The following HIVEP3 variants were observed in gnomAD, a reference collection of about 807,000 sequenced individuals.
HIVEP3 encodes transcription factor HIVEP3.
In HIVEP3, 49 loss-of-function variants were observed where a neutral mutation model predicts 152.8. That is an observed-to-expected ratio of 0.32 (90% CI 0.26 to 0.41). The LOEUF (loss-of-function observed/expected upper bound fraction) is 0.41. Among genes scored for constraint, HIVEP3 ranks in the 10% least tolerant of loss-of-function variants. The pLI is 1.00. For synonymous variants in HIVEP3, 1,269 were observed against 1,289.0 expected, an observed-to-expected ratio of 0.98 and a Z score of 0.33; for missense variants, 2,790 against 3,103.3, an observed-to-expected ratio of 0.90 and a Z score of 2.40.
intron 1 of HIVEP3, among the ~76,000 whole-genome samples, chr1:41,845,876 G>A (rs1643429417): frequency 6.6e-6 from 1 of 152,102 alleles, no homozygotes; most frequent in African/African-American, 2.4e-5. Flanking sequence ...AGACCAGCCT[G>A]GCCAACATGG....
At chr1:41,825,751 C>CGTG (rs939670583) in intron 1 of HIVEP3, among the ~76,000 whole-genome samples, 8 of 151,968 alleles carry the variant, frequency 5.3e-5, no homozygotes, top group Admixed American at 3.3e-4. Context: ...GGACTACAGG[C>CGTG]GTGTGCCACC....
chr1:41,597,949 T>C (rs1408755049), intron 3 of HIVEP3, among the ~76,000 whole-genome samples: 2 of 152,344 alleles, frequency 1.3e-5, no homozygotes, highest in Middle Eastern at 3.4e-3. Flanking sequence ...GTAATGTACA[T>C]AGCTAGCTAT....
At chr1:41,819,365 T>C (rs1642520356) in intron 1 of HIVEP3, among the ~76,000 whole-genome samples, 1 of 152,168 alleles carries the variant, frequency 6.6e-6, no homozygotes, top group Non-Finnish European at 1.5e-5. Flanking sequence ...GAATTCTTTA[T>C]CTTTTGTTTT....
At position 41,582,294 on chromosome 1, in the gene HIVEP3, G is replaced by A. The variant is rs764710278; in HGVS notation, c.2504C>T (p.Pro835Leu). The A allele has an allele frequency of 1.2e-6, 2 of 1,614,050 alleles. No homozygotes were observed. The highest frequency in any genetic ancestry group is 1.7e-6 in the Non-Finnish European group (2 of 1,180,032). The change falls in exon 4 of 9, where the codon CCA (proline) becomes CTA (leucine). Residue 835 changes from proline to leucine, a missense_variant. By Grantham distance (98) the Pro-to-Leu change is moderately conservative (BLOSUM62 -3). Transcript: ENST00000372583. The surrounding 1 kb of genome is among the most constrained non-coding windows in gnomAD (Gnocchi z 4.7). ...LAQFPSPPPA[P>L]HGRSAHSLQP... ...CAGGGAGTGAGCAGAGCGTCCGTGTGGGGCAGGTGGGGGTGATGGGAACTG... is the reference window on the plus strand; with the variant it reads ...CAGGGAGTGAGCAGAGCGTCCGTGTAGGGCAGGTGGGGGTGATGGGAACTG...
At chr1:41,653,343 TCA>T (rs1413572231) in intron 2 of HIVEP3, among the ~76,000 whole-genome samples, 1 of 151,930 alleles carries the variant, frequency 6.6e-6, no homozygotes. Flanking sequence ...TTCACAACCC[TCA>T]CACACACATA....
intron 2 of HIVEP3, among the ~76,000 whole-genome samples, chr1:41,656,075 G>A (rs752958951): frequency 5.3e-5 from 8 of 152,120 alleles, no homozygotes; most frequent in Non-Finnish European, 1.0e-4. Context: ...TGTCATGAAC[G>A]TTTCTTTGCC....
At chr1:41,779,727 C>T (rs1240956222) in intron 1 of HIVEP3, among the ~76,000 whole-genome samples, 5 of 152,162 alleles carry the variant, frequency 3.3e-5, no homozygotes, top group African/African-American at 9.7e-5. Flanking sequence ...AACCTCCTGA[C>T]CTCAAATGAC....
intron 1 of HIVEP3, among the ~76,000 whole-genome samples, chr1:42,026,135 T>C (rs1339005096): frequency 6.6e-6 from 1 of 152,148 alleles, no homozygotes; most frequent in Non-Finnish European, 1.5e-5. Flanking sequence ...TTCCTTTTTT[T>C]CTCTTACCCT....
chr1:41,927,889 G>A (rs1038222749), intron 1 of HIVEP3, among the ~76,000 whole-genome samples: 11 of 152,004 alleles, frequency 7.2e-5, no homozygotes, highest in Admixed American at 1.3e-4. Context: ...GTGAAACCCC[G>A]TCTCTACTAA....
chr1:41,730,727 C>G (rs1383923080), intron 1 of HIVEP3, among the ~76,000 whole-genome samples: 1 of 152,218 alleles, frequency 6.6e-6, no homozygotes, highest in African/African-American at 2.4e-5. Flanking sequence ...CTCTAATGGT[C>G]CTGATTATCC....
intron 1 of HIVEP3, among the ~76,000 whole-genome samples, chr1:41,863,806 T>C (rs976064107): frequency 1.3e-5 from 2 of 152,232 alleles, no homozygotes; most frequent in Non-Finnish European, 2.9e-5. Context: ...GGATTCTCCA[T>C]CTGTCAAGCT....
At chr1:41,785,927 C>T (rs1199644772) in intron 1 of HIVEP3, among the ~76,000 whole-genome samples, 4 of 152,134 alleles carry the variant, frequency 2.6e-5, no homozygotes, top group Admixed American at 6.5e-5. Context: ...ACCCGGGAGG[C>T]AGGGAGGTTG....
intron 2 of HIVEP3, among the ~76,000 whole-genome samples, chr1:41,641,464 C>A (rs1183236486): frequency 6.6e-6 from 1 of 152,250 alleles, no homozygotes; most frequent in Non-Finnish European, 1.5e-5. Context: ...CCCATCCCCA[C>A]CTCCACCAGT....
At chr1:41,756,610 A>G (rs78216299) in intron 1 of HIVEP3, among the ~76,000 whole-genome samples, 1,882 of 152,364 alleles carry the variant, frequency 0.012, 35 homozygotes, top group African/African-American at 0.043. Flanking sequence ...TTGGTTAAAT[A>G]GACTAGGATA....
chr1:41,976,323 G>C (rs1252156971), intron 1 of HIVEP3, among the ~76,000 whole-genome samples: 2 of 152,156 alleles, frequency 1.3e-5, no homozygotes, highest in African/African-American at 2.4e-5. Context: ...GCTCAGAGGG[G>C]ATGAGCAATT....
rs552867750 is a variant in HIVEP3, at chr1:41,678,227, C to T, written c.-721+22689G>A. Among the ~76,000 whole-genome samples the T allele has an allele frequency of 3.3e-5, 5 of 152,322 alleles. No individual in the cohort carries two copies. The South Asian group carries it at 8.3e-4, about 25-fold the overall frequency. On this transcript the variant is annotated intron_variant, in intron 2 of 8. Transcript: ENST00000372583. ...CATCTGCATCTGCTGCACTCCTGGGCCGCTGGGACCTGGATGCTCCGCTCC... is the reference window on the plus strand; with the variant it reads ...CATCTGCATCTGCTGCACTCCTGGGTCGCTGGGACCTGGATGCTCCGCTCC...
chr1:41,971,205 TA>T (rs931519475), intron 1 of HIVEP3, among the ~76,000 whole-genome samples: 7 of 152,146 alleles, frequency 4.6e-5, no homozygotes, highest in Admixed American at 2.6e-4. Context: ...ATCGAATTTA[TA>T]AAAGTTATTC....
Position 41,583,265 on chromosome 1 carries a change from G to T in HIVEP3, c.1533C>A (p.Ser511=). 1 of 1,613,412 alleles carries T rather than the reference G, an allele frequency of 6.2e-7. No individual in the cohort carries two copies. Among genetic ancestry groups the T allele is most frequent in the Non-Finnish European group, 8.5e-7 (1 of 1,179,834 alleles). The change falls in exon 4 of 9, where the codon TCC becomes TCA. Residue 511 remains serine (S), a synonymous_variant. Coordinates refer to ENST00000372583, the MANE Select transcript of HIVEP3 (RefSeq NM_024503.5). This position sits in a 1 kb window ranked among gnomAD's most constrained non-coding sequence, Gnocchi z 6.9. ...KSSLYREPLS[S]HSEKTKPEQS... is the part of the protein sequence containing the mutation. ...GTTCAGGCTTGGTTTTCTCACTGTG[G>T]GATGACAGGGGCTCCCGGTAGAGGC...
At chr1:41,752,077 G>A (rs1449663811) in intron 1 of HIVEP3, among the ~76,000 whole-genome samples, 1 of 152,214 alleles carries the variant, frequency 6.6e-6, no homozygotes, top group East Asian at 1.9e-4. Flanking sequence ...CTTTGAGTTA[G>A]TCCCTCTCCT....
Sources: gnomAD v4.1 joint callset for allele counts (sites outside exome capture counted in the v4.1 genomes callset) on GRCh38, gnomAD v4.1.1 for gene constraint, Gnocchi (gnomAD v3.1) non-coding constraint, MANE v1.5 for transcripts, NCBI Gene and HGNC (gene_info 2026-07-23, HGNC 2026-07-21) for gene names.